Variants in LPO observed in about 807,000 individuals in gnomAD.
LPO encodes the protein lactoperoxidase.
LPO carries 70 observed loss-of-function variants against 68.4 expected under a neutral mutation model. That is an observed-to-expected ratio of 1.02 (90% CI 0.84 to 1.25). The LOEUF (loss-of-function observed/expected upper bound fraction) is 1.25, where lower values mean the gene tolerates loss of function less well. LPO is among the 50% of genes most tolerant of loss of function. The pLI is 0.00. For synonymous variants in LPO, 360 were observed against 357.6 expected (o/e 1.01, Z -0.08); for missense variants, 873 against 908.4 (o/e 0.96, Z 0.50).
chr17:58,265,588 T>A (rs1171807765), intron 10 of LPO, among the ~76,000 whole-genome samples: 4 of 142,480 alleles, frequency 2.8e-5, no homozygotes, highest in Non-Finnish European at 6.1e-5. Context: ...TTTTTTTTTT[T>A]TTTTTTTTTT....
intron 10 of LPO, among the ~76,000 whole-genome samples, chr17:58,265,782 G>A (rs1567823968): frequency 1.3e-5 from 2 of 151,370 alleles, no homozygotes; most frequent in South Asian, 2.1e-4. Flanking sequence ...GCGGGGTTTT[G>A]CCATGTTGTC....
intron 5 of LPO, 142 bp downstream of exon 5, chr17:58,249,319 C>A: frequency 1.1e-6 from 1 of 881,620 alleles, no homozygotes; most frequent in Non-Finnish European, 1.7e-6. Flanking sequence ...CCCACCTTCT[C>A]AAGATCGCGC....
chr17:58,264,674 G>A (rs1486843629), intron 9 of LPO, 48 bp from the exon 10 acceptor site: 10 of 1,607,258 alleles, frequency 6.2e-6, no homozygotes, highest in Non-Finnish European at 7.7e-6. Context: ...CTCTGCAGAG[G>A]TTTAAACCTT....
intron 6 of LPO, 101 bp from the exon 7 acceptor site, chr17:58,250,314 G>A: frequency 2.2e-6 from 2 of 907,222 alleles, no homozygotes; most frequent in Non-Finnish European, 1.8e-6. Context: ...GGGATTAAGT[G>A]CACTTGTAAC....
chr17:58,243,007 C>T lies in LPO; in HGVS notation c.28C>T (p.Leu10Phe), dbSNP rs1412022622. The part of the protein sequence containing the change: MRVLLHLPA[L>F]LASLILLQAA... Reference sequence around the variant, plus strand: ...GAGGGTCCTTCTCCATCTCCCAGCCCTCCTGGCTTCCCTCATCTTGCTTCA... The same window carrying T: ...GAGGGTCCTTCTCCATCTCCCAGCCTTCCTGGCTTCCCTCATCTTGCTTCA... The change falls in exon 2 of 13, where the codon CTC becomes TTC. Residue 10 changes from leucine to phenylalanine, a missense_variant. By Grantham distance (22) the Leu-to-Phe change is conservative (BLOSUM62 0). Transcript: ENST00000262290. 2 of 1,614,126 alleles carry T rather than the reference C, an allele frequency of 1.2e-6. No homozygotes were observed. Among genetic ancestry groups the T allele is most frequent in the Non-Finnish European group, 8.5e-7 (1 of 1,180,028 alleles).
At chr17:58,267,645 C>A in intron 12 of LPO, 59 bp downstream of exon 12, 1 of 1,513,428 alleles carries the variant, frequency 6.6e-7, no homozygotes, top group South Asian at 1.2e-5. Flanking sequence ...AGGGGTGTCC[C>A]AAGGTCCTGC....
chr17:58,256,019 A>G (rs1209490917), intron 9 of LPO, among the ~76,000 whole-genome samples: 2 of 152,056 alleles, frequency 1.3e-5, no homozygotes, highest in Non-Finnish European at 2.9e-5. Flanking sequence ...CCTCACCCCT[A>G]TATCCCTAAC....
intron 2 of LPO, chr17:58,243,696 C>T (rs1489288975): frequency 6.5e-6 from 3 of 460,218 alleles, no homozygotes; most frequent in South Asian, 2.5e-5. Flanking sequence ...GAAATCCCCA[C>T]AGTCCAGTAG....
chr17:58,239,710 GGT>G (rs934639165), intron 1 of LPO, among the ~76,000 whole-genome samples: 3 of 152,058 alleles, frequency 2.0e-5, no homozygotes, highest in Non-Finnish European at 4.4e-5. Flanking sequence ...GGAAGGCCTT[GGT>G]ACTCAGAGTG....
chr17:58,267,729 C>A, intron 12 of LPO, 58 bp from the exon 13 acceptor site: 1 of 1,531,076 alleles, frequency 6.5e-7, no homozygotes, highest in Non-Finnish European at 9.0e-7. Context: ...TCCCCTGTGA[C>A]AGAGTGGGGA....
intron 1 of LPO, among the ~76,000 whole-genome samples, chr17:58,238,999 T>TG (rs1313471757): frequency 6.6e-6 from 1 of 152,118 alleles, no homozygotes; most frequent in African/African-American, 2.4e-5. Flanking sequence ...CTCTTAGGGC[T>TG]GGAAGGTACC....
At chr17:58,250,391 C>T in intron 6 of LPO, 24 bp from the exon 7 acceptor site, 1 of 1,597,868 alleles carries the variant, frequency 6.3e-7, no homozygotes, top group Non-Finnish European at 8.6e-7. Flanking sequence ...CTAATCTGCC[C>T]TCCCCTTCTC....
At chr17:58,265,345 C>T (rs530584474) in intron 10 of LPO, among the ~76,000 whole-genome samples, 2 of 152,244 alleles carry the variant, frequency 1.3e-5, no homozygotes, top group Admixed American at 6.5e-5. Flanking sequence ...AAATAAATTG[C>T]TCTTTTCTGA....
intron 1 of LPO, among the ~76,000 whole-genome samples, chr17:58,239,687 A>G (rs957440378): frequency 7.2e-5 from 11 of 152,132 alleles, no homozygotes; most frequent in Non-Finnish European, 8.8e-5. Context: ...AGCGACATTG[A>G]GAACCAAAGT....
intron 9 of LPO, among the ~76,000 whole-genome samples, chr17:58,257,277 C>A (rs970636150): frequency 6.6e-6 from 1 of 152,094 alleles, no homozygotes; most frequent in Admixed American, 6.5e-5. Flanking sequence ...CCACCTCCGC[C>A]CCCCACAGCC....
intron 10 of LPO, among the ~76,000 whole-genome samples, chr17:58,265,266 C>T (rs545198577): frequency 2.0e-5 from 3 of 152,298 alleles, no homozygotes; most frequent in South Asian, 4.1e-4. Context: ...CTCTTGGCTT[C>T]TAAGATGACT....
At chr17:58,249,403 G>C in intron 5 of LPO, 163 bp from the exon 6 acceptor site, 1 of 1,154,330 alleles carries the variant, frequency 8.7e-7, no homozygotes. Flanking sequence ...GGGGAGCCCC[G>C]CGCCTTCAGG....
chr17:58,247,077 A>C (rs1969863574), intron 3 of LPO, among the ~76,000 whole-genome samples: 1 of 152,164 alleles, frequency 6.6e-6, no homozygotes, highest in Admixed American at 6.5e-5. Context: ...AATGAGGGGA[A>C]GTCACTCAGA....
chr17:58,261,697 T>A (rs8178377), intron 9 of LPO, among the ~76,000 whole-genome samples: 8,769 of 152,306 alleles, frequency 0.058, 365 homozygotes, highest in East Asian at 0.13. Context: ...TCCTTCTGTT[T>A]CTTCTTCCTC....
Sources: gnomAD v4.1 joint callset for allele counts (sites outside exome capture counted in the v4.1 genomes callset) on GRCh38, gnomAD v4.1.1 for gene constraint, MANE v1.5 for transcripts, NCBI Gene and HGNC (gene_info 2026-07-23, HGNC 2026-07-21) for gene names.